The following BRINP3 variants were observed in gnomAD, a reference collection of about 807,000 sequenced individuals.
BRINP3 encodes BMP/retinoic acid-inducible neural-specific protein 3.
Under a neutral mutation model 71.0 loss-of-function variants are expected in BRINP3, and 19 were observed. The observed-to-expected ratio is 0.27, with a 90% CI of 0.19 to 0.39. The LOEUF (loss-of-function observed/expected upper bound fraction) is 0.39, where lower values mean the gene tolerates loss of function less well. Among genes scored for constraint, BRINP3 ranks in the 10% least tolerant of loss-of-function variants. The pLI, the probability that BRINP3 is intolerant of heterozygous loss-of-function variation, is 1.00. For missense variants in BRINP3, 959 were observed against 940.8 expected (o/e 1.02, Z -0.25); for synonymous variants, 380 against 337.7 (o/e 1.13, Z -1.37).
chr1:190,328,428 C>T (rs558792070), intron 2 of BRINP3, among the ~76,000 whole-genome samples: 36 of 152,052 alleles, frequency 2.4e-4, no homozygotes, highest in African/African-American at 7.9e-4. Context: ...ATTATGAATA[C>T]CTCTACACTC....
chr1:190,195,244 T>A (rs1261804183), intron 6 of BRINP3, among the ~76,000 whole-genome samples: 1 of 151,922 alleles, frequency 6.6e-6, no homozygotes, highest in Non-Finnish European at 1.5e-5. Flanking sequence ...CCAATTTTTA[T>A]AATTAAAAAG....
chr1:190,374,659 A>G, intron 2 of BRINP3, among the ~76,000 whole-genome samples: 1 of 152,058 alleles, frequency 6.6e-6, no homozygotes. Context: ...ACAAAGACCC[A>G]TAGAAGACAT....
intron 1 of BRINP3, among the ~76,000 whole-genome samples, chr1:190,469,982 A>G (rs1010177444): frequency 2.6e-5 from 4 of 151,086 alleles, no homozygotes; most frequent in Non-Finnish European, 6.0e-5. Context: ...AAACATTTCA[A>G]AGAAAATATT....
At chr1:190,356,724 C>T (rs1668757384) in intron 2 of BRINP3, among the ~76,000 whole-genome samples, 1 of 152,002 alleles carries the variant, frequency 6.6e-6, no homozygotes, top group African/African-American at 2.4e-5. Flanking sequence ...TTCAAAGTCC[C>T]TCTTGCCATG....
intron 2 of BRINP3, among the ~76,000 whole-genome samples, chr1:190,284,636 C>T (rs947086724): frequency 9.2e-5 from 14 of 152,014 alleles, no homozygotes; most frequent in African/African-American, 3.4e-4. Context: ...TTCCAGAGAG[C>T]TTCCTTCAGC....
intron 2 of BRINP3, among the ~76,000 whole-genome samples, chr1:190,439,533 G>T (rs184910647): frequency 6.6e-6 from 1 of 151,518 alleles, no homozygotes; most frequent in African/African-American, 2.4e-5. Context: ...GTAAGAGTAC[G>T]TGTGTGTGTG....
At chr1:190,343,695 A>G (rs1392379411) in intron 2 of BRINP3, among the ~76,000 whole-genome samples, 1 of 151,664 alleles carries the variant, frequency 6.6e-6, no homozygotes, top group Non-Finnish European at 1.5e-5. Flanking sequence ...GGTAACATAG[A>G]CCAGGGAGAG....
At chr1:190,265,216 A>G (rs1204869319) in intron 3 of BRINP3, among the ~76,000 whole-genome samples, 161 bp from the exon 4 acceptor site, 1 of 152,148 alleles carries the variant, frequency 6.6e-6, no homozygotes, top group Non-Finnish European at 1.5e-5. Flanking sequence ...ATATTTCTCA[A>G]GTACCTCAAA....
At chr1:190,456,853 A>G (rs961764898) in intron 1 of BRINP3, among the ~76,000 whole-genome samples, 48 of 152,256 alleles carry the variant, frequency 3.2e-4, no homozygotes, top group Non-Finnish European at 6.0e-4. Flanking sequence ...ACTCAAGTCC[A>G]TATTACATAT....
At chr1:190,169,627 T>A (rs904497077) in intron 6 of BRINP3, among the ~76,000 whole-genome samples, 1 of 152,172 alleles carries the variant, frequency 6.6e-6, no homozygotes, top group Non-Finnish European at 1.5e-5. Context: ...TTTTAACAAA[T>A]ATTTGTTGAA....
chr1:190,130,040 T>C (rs938840359), intron 7 of BRINP3, among the ~76,000 whole-genome samples: 7 of 151,978 alleles, frequency 4.6e-5, no homozygotes, highest in African/African-American at 1.7e-4. Context: ...GAACCTTATA[T>C]ATTCAGGAAA....
At chr1:190,146,501 A>G (rs1379049784) in intron 7 of BRINP3, among the ~76,000 whole-genome samples, 2 of 152,138 alleles carry the variant, frequency 1.3e-5, no homozygotes, top group Admixed American at 1.3e-4. Context: ...TTACTATATC[A>G]TCATCACCAC....
intron 2 of BRINP3, among the ~76,000 whole-genome samples, chr1:190,403,216 C>A (rs1295589887): frequency 2.0e-5 from 3 of 152,064 alleles, no homozygotes; most frequent in African/African-American, 7.2e-5. Flanking sequence ...ATTGTATTTG[C>A]CTAGAGACAT....
intron 2 of BRINP3, among the ~76,000 whole-genome samples, chr1:190,301,191 A>ATACATATATACATATATATG (rs1558160483): frequency 4.9e-5 from 3 of 61,472 alleles, no homozygotes; most frequent in Non-Finnish European, 1.1e-4. Flanking sequence ...ATATATGTAT[A>ATACATATATACATATATATG]TATATACACA....
chr1:190,108,339 C>CGTGT (rs368317554), intron 7 of BRINP3, among the ~76,000 whole-genome samples: 2 of 149,178 alleles, frequency 1.3e-5, no homozygotes, highest in African/African-American at 2.5e-5. Flanking sequence ...ATAAGCAAAT[C>CGTGT]GTGTGTGTGT....
intron 6 of BRINP3, among the ~76,000 whole-genome samples, chr1:190,191,028 T>C (rs1352941211): frequency 2.6e-5 from 4 of 152,134 alleles, no homozygotes; most frequent in African/African-American, 7.2e-5. Flanking sequence ...TCAATTGCAT[T>C]GGAAATCAGA....
chr1:190,372,568 C>A (rs2102198738), intron 2 of BRINP3, among the ~76,000 whole-genome samples: 1 of 152,272 alleles, frequency 6.6e-6, no homozygotes, highest in Non-Finnish European at 1.5e-5. Context: ...GAGGTGACTG[C>A]AGGTCTGTGT....
chr1:190,158,568 T>C (rs1316928630), intron 7 of BRINP3, among the ~76,000 whole-genome samples: 1 of 151,942 alleles, frequency 6.6e-6, no homozygotes, highest in Non-Finnish European at 1.5e-5. Flanking sequence ...TCATGCAATA[T>C]ACCTATAAAA....
At chr1:190,418,684 A>C (rs1673164359) in intron 2 of BRINP3, among the ~76,000 whole-genome samples, 1 of 152,150 alleles carries the variant, frequency 6.6e-6, no homozygotes, top group African/African-American at 2.4e-5. Context: ...GAAAAACAAC[A>C]TAGCAAAAAA....
Sources: allele counts gnomAD v4.1 joint callset (sites outside exome capture counted in the v4.1 genomes callset), GRCh38; gene constraint gnomAD v4.1.1; transcripts MANE v1.5; gene names NCBI Gene and HGNC (gene_info 2026-07-23, HGNC 2026-07-21).